The following SNTG1 variants were observed in gnomAD, a reference collection of about 807,000 sequenced individuals.
SNTG1 encodes the protein syntrophin gamma 1.
SNTG1 carries 39 observed loss-of-function variants against 74.7 expected under a neutral mutation model. The ratio of observed to expected loss-of-function variants is 0.52; its 90% confidence interval spans 0.40 to 0.68. SNTG1 has a LOEUF of 0.68. Ranked by LOEUF, SNTG1 falls within the 30% of genes least tolerant of loss-of-function variation. The pLI, the probability that SNTG1 is intolerant of heterozygous loss-of-function variation, is 0.00. For missense variants in SNTG1, 685 were observed against 609.5 expected (o/e 1.12, Z -1.30); for synonymous variants, 254 against 217.1 (o/e 1.17, Z -1.49).
At chr8:50,459,090 C>T (rs11775411) in intron 8 of SNTG1, among the ~76,000 whole-genome samples, 130,620 of 152,166 alleles carry the variant, frequency 0.86, 56,194 homozygotes, top group Non-Finnish European at 0.89. Context: ...AGTTAACTTT[C>T]GTATACAGTA....
chr8:50,635,962 G>A (rs2095036424), intron 13 of SNTG1, among the ~76,000 whole-genome samples: 1 of 152,030 alleles, frequency 6.6e-6, no homozygotes, highest in Non-Finnish European at 1.5e-5. Context: ...GGGTATTGCT[G>A]CTGATTGTTT....
chr8:50,425,994 T>A (rs1282323207), intron 4 of SNTG1, among the ~76,000 whole-genome samples: 2 of 152,232 alleles, frequency 1.3e-5, no homozygotes, highest in Admixed American at 1.3e-4. Flanking sequence ...AAAAATGTGC[T>A]TTATTATTTA....
At chr8:50,376,294 T>A (rs892850210) in intron 2 of SNTG1, among the ~76,000 whole-genome samples, 12 of 152,172 alleles carry the variant, frequency 7.9e-5, no homozygotes, top group African/African-American at 2.7e-4. Flanking sequence ...TACTAAAACT[T>A]GAACCAGACT....
intron 2 of SNTG1, among the ~76,000 whole-genome samples, chr8:50,273,881 A>G (rs536276611): frequency 1.3e-5 from 2 of 152,214 alleles, no homozygotes; most frequent in Admixed American, 6.5e-5. Context: ...GAATGGCAGT[A>G]TGAAAAGACT....
At chr8:50,425,234 A>T (rs936776331) in intron 4 of SNTG1, among the ~76,000 whole-genome samples, 9 of 125,934 alleles carry the variant, frequency 7.1e-5, no homozygotes, top group African/African-American at 2.7e-4. Context: ...AGGGGTCCCA[A>T]CTGGTACCAG....
chr8:50,437,537 T>C (rs1303443387), intron 4 of SNTG1, among the ~76,000 whole-genome samples: 1 of 152,078 alleles, frequency 6.6e-6, no homozygotes, highest in Admixed American at 6.6e-5. Context: ...AACAAGAGAA[T>C]GAGGGAAGCA....
chr8:50,426,467 A>G (rs543258029), intron 4 of SNTG1, among the ~76,000 whole-genome samples: 1 of 151,840 alleles, frequency 6.6e-6, no homozygotes, highest in South Asian at 2.1e-4. Flanking sequence ...AAATAATAAT[A>G]ATAAATAAAA....
At chr8:50,329,905 T>C (rs2090897755) in intron 2 of SNTG1, among the ~76,000 whole-genome samples, 2 of 152,172 alleles carry the variant, frequency 1.3e-5, no homozygotes, top group African/African-American at 4.8e-5. Flanking sequence ...TCAGATCATC[T>C]CTTTCCAGTA....
chr8:50,402,858 G>A (rs866687810), intron 4 of SNTG1, among the ~76,000 whole-genome samples: 2 of 152,098 alleles, frequency 1.3e-5, no homozygotes, highest in Middle Eastern at 3.2e-3. Context: ...AAGTGCTGTA[G>A]CAAATTCTTT....
chr8:50,016,608 C>A (rs1563476803), intron 1 of SNTG1, among the ~76,000 whole-genome samples: 2 of 152,084 alleles, frequency 1.3e-5, no homozygotes, highest in East Asian at 3.9e-4. Flanking sequence ...CAGCCAAATG[C>A]ATTGTTGATG....
chr8:50,396,521 A>G (rs2092730832), intron 3 of SNTG1, among the ~76,000 whole-genome samples: 1 of 152,208 alleles, frequency 6.6e-6, no homozygotes, highest in South Asian at 2.1e-4. Flanking sequence ...TGCATAAAAG[A>G]ACATTTAGTA....
At chr8:50,024,457 A>T (rs965566794) in intron 1 of SNTG1, among the ~76,000 whole-genome samples, 5 of 152,172 alleles carry the variant, frequency 3.3e-5, no homozygotes, top group African/African-American at 1.2e-4. Context: ...AAATGAAAAT[A>T]ACTTATTTCA....
Position 50,644,457 on chromosome 8 carries a change from G to T in SNTG1, c.850-12452G>T, listed in dbSNP as rs1029464519. The stretch of plus-strand genomic sequence containing the variant: ...ATGATCCACTCCGACTTAATTAATA[G>T]TAAATATATTTTCTCTTCATGATTT... On this transcript the variant is annotated intron_variant, in intron 13 of 18. Transcript: ENST00000642720. 2.0e-5 allele frequency: 3 copies of T among 152,040 alleles called. No homozygotes were observed. The East Asian group carries it at 5.8e-4, about 29-fold the overall frequency. 9.4% of individuals were successfully genotyped at this position (152,040 alleles called of 1,614,324 possible).
intron 1 of SNTG1, among the ~76,000 whole-genome samples, chr8:50,056,862 G>A (rs1372388327): frequency 6.6e-6 from 1 of 152,122 alleles, no homozygotes; most frequent in Admixed American, 6.5e-5. Flanking sequence ...TAGGATCAAG[G>A]GCAGGCATGT....
intron 12 of SNTG1, among the ~76,000 whole-genome samples, chr8:50,558,636 G>GT (rs1554573835): frequency 4.8e-3 from 702 of 146,254 alleles, no homozygotes; most frequent in African/African-American, 0.014. Flanking sequence ...TGGCTGCAGT[G>GT]TTTTTTTTTT....
chr8:50,194,737 A>G (rs1477445437), intron 2 of SNTG1, among the ~76,000 whole-genome samples: 2 of 150,678 alleles, frequency 1.3e-5, no homozygotes, highest in Non-Finnish European at 3.0e-5. Flanking sequence ...TTGTTTTTCT[A>G]TTTCCTTGAG....
chr8:49,970,204 A>G (rs1811533248), intron 1 of SNTG1, among the ~76,000 whole-genome samples: 1 of 152,032 alleles, frequency 6.6e-6, no homozygotes, highest in South Asian at 2.1e-4. Context: ...CACAGTGCCT[A>G]TTTGATGAGT....
At chr8:50,060,965 T>C (rs1820421471) in intron 1 of SNTG1, among the ~76,000 whole-genome samples, 1 of 152,180 alleles carries the variant, frequency 6.6e-6, no homozygotes, top group Non-Finnish European at 1.5e-5. Flanking sequence ...TAATATTTTG[T>C]TGAGACTTTT....
chr8:50,505,180 G>A (rs1366832516), intron 9 of SNTG1, among the ~76,000 whole-genome samples: 1 of 152,050 alleles, frequency 6.6e-6, no homozygotes, highest in Non-Finnish European at 1.5e-5. Flanking sequence ...TCCTATTTAA[G>A]AATGAATAAC....
Sources: gnomAD v4.1 joint callset for allele counts (sites outside exome capture counted in the v4.1 genomes callset) on GRCh38, gnomAD v4.1.1 for gene constraint, MANE v1.5 for transcripts, NCBI Gene and HGNC (gene_info 2026-07-23, HGNC 2026-07-21) for gene names.